Variants in RAB7A observed in about 807,000 individuals in gnomAD.
RAB7A encodes the protein RAB7A, member RAS oncogene family.
Under a neutral mutation model 24.5 loss-of-function variants are expected in RAB7A, and 2 were observed. The ratio of observed to expected loss-of-function variants is 0.08; its 90% confidence interval spans 0.03 to 0.26. RAB7A has a LOEUF of 0.26. RAB7A is among the 10% of genes least tolerant of loss of function. The probability of loss-of-function intolerance (pLI) is 1.00; values close to 1 mark genes in which losing one functional copy is unlikely to be tolerated. For synonymous variants in RAB7A, 100 were observed against 95.9 expected, an observed-to-expected ratio of 1.04 and a Z score of -0.25; for missense variants, 118 against 255.7, an observed-to-expected ratio of 0.46 and a Z score of 3.67.
intron 1 of RAB7A, among the ~76,000 whole-genome samples, chr3:128,758,328 A>G (rs1218226081): frequency 2.1e-5 from 3 of 146,330 alleles, no homozygotes; most frequent in Non-Finnish European, 4.5e-5. Context: ...GCTGGAGTGC[A>G]GTGGCGCTAT....
intron 3 of RAB7A, among the ~76,000 whole-genome samples, chr3:128,804,826 A>G (rs79611955): frequency 0.025 from 3,840 of 152,288 alleles, 78 homozygotes; most frequent in South Asian, 0.045. Flanking sequence ...AGTTGTTTAT[A>G]ATGATAGGAA....
intron 2 of RAB7A, 53 bp downstream of exon 2, chr3:128,795,473 T>A (rs1196979176): frequency 2.6e-6 from 4 of 1,511,760 alleles, no homozygotes; most frequent in Non-Finnish European, 3.7e-6. Flanking sequence ...TAAGCCTCTC[T>A]GCTGTGGAGC....
chr3:128,778,513 C>A (rs1024804937), intron 1 of RAB7A, among the ~76,000 whole-genome samples: 2 of 152,172 alleles, frequency 1.3e-5, no homozygotes, highest in East Asian at 3.8e-4. Context: ...TGAAGCCTAA[C>A]CAACTGTTGT....
At chr3:128,743,251 TC>T (rs1290245090) in intron 1 of RAB7A, among the ~76,000 whole-genome samples, 1 of 152,072 alleles carries the variant, frequency 6.6e-6, no homozygotes, top group Non-Finnish European at 1.5e-5. Flanking sequence ...CACCCGGAAC[TC>T]CCGCTGGTCC....
chr3:128,756,769 A>G (rs994788164), intron 1 of RAB7A, among the ~76,000 whole-genome samples: 1 of 152,148 alleles, frequency 6.6e-6, no homozygotes, highest in South Asian at 2.1e-4. Flanking sequence ...GCAAAGCTAC[A>G]CCAATGAAAA....
At chr3:128,787,581 A>G (rs1576295179) in intron 1 of RAB7A, among the ~76,000 whole-genome samples, 1 of 152,180 alleles carries the variant, frequency 6.6e-6, no homozygotes, top group African/African-American at 2.4e-5. Flanking sequence ...ACCTGGTTCA[A>G]TTTCATCTCC....
chr3:128,767,349 C>T (rs148406667), intron 1 of RAB7A, among the ~76,000 whole-genome samples: 42 of 152,244 alleles, frequency 2.8e-4, no homozygotes, highest in Admixed American at 7.2e-4. Flanking sequence ...GTGGGACCCT[C>T]GGAAGGGATA....
rs919774533 is a variant in RAB7A at position 128,742,757 on chromosome 3, C to T, written c.-9+16398C>T. Reference sequence around the variant, plus strand: ...TAGACATAAAGGTTCTCCAAGTCCCCACTAGATTAGCTAGACACAGAGTGC... The same window carrying T: ...TAGACATAAAGGTTCTCCAAGTCCCTACTAGATTAGCTAGACACAGAGTGC... On this transcript the variant is annotated intron_variant, in intron 1 of 5. Coordinates refer to ENST00000265062, the MANE Select transcript of RAB7A (RefSeq NM_004637.6). Among the ~76,000 whole-genome samples the T allele has an allele frequency of 7.2e-5, 11 of 152,116 alleles. No homozygotes were observed. The East Asian group carries it at 2.1e-3, about 29-fold the overall frequency.
At position 128,767,825 on chromosome 3, in the gene RAB7A, A is replaced by G. The variant is rs114619737; in HGVS notation, c.-8-27535A>G. Among the ~76,000 whole-genome samples the G allele has an allele frequency of 9.1e-4, 138 of 152,358 alleles. 1 individual carries two copies. Among genetic ancestry groups the G allele is most frequent in the African/African-American group, 3.1e-3 (131 of 41,590 alleles). ...GCTGCTGCTTCCATGTCATCCCCTCAGATAGATATCTGCAGCCTCCTGGCC... is the reference window on the plus strand; with the variant it reads ...GCTGCTGCTTCCATGTCATCCCCTCGGATAGATATCTGCAGCCTCCTGGCC... On this transcript the variant is annotated intron_variant, in intron 1 of 5. Transcript: ENST00000265062.
At chr3:128,737,680 C>T (rs1263501187) in intron 1 of RAB7A, among the ~76,000 whole-genome samples, 4 of 150,254 alleles carry the variant, frequency 2.7e-5, no homozygotes, top group African/African-American at 9.8e-5. Context: ...CAGGGTCTCA[C>T]TCTGTCACTC....
chr3:128,773,278 A>G (rs1277527450), intron 1 of RAB7A, among the ~76,000 whole-genome samples: 10 of 135,412 alleles, frequency 7.4e-5, no homozygotes, highest in South Asian at 2.4e-4. Context: ...CCCTCCACCC[A>G]GCAGCCGCCC....
At chr3:128,754,485 G>C (rs114861071) in intron 1 of RAB7A, among the ~76,000 whole-genome samples, 1 of 152,140 alleles carries the variant, frequency 6.6e-6, no homozygotes, top group South Asian at 2.1e-4. Flanking sequence ...CACAAAATAA[G>C]ATAATAATGC....
intron 1 of RAB7A, among the ~76,000 whole-genome samples, chr3:128,734,872 A>G (rs1472686340): frequency 2.6e-5 from 4 of 152,158 alleles, no homozygotes; most frequent in Non-Finnish European, 2.9e-5. Context: ...CTGTCTTCCA[A>G]CTCTAAGCCA....
chr3:128,743,198 G>A (rs921764130), intron 1 of RAB7A, among the ~76,000 whole-genome samples: 16 of 152,154 alleles, frequency 1.1e-4, no homozygotes, highest in Non-Finnish European at 1.8e-4. Flanking sequence ...GGCCGGTGGC[G>A]CCAGCCGGCC....
At chr3:128,791,685 C>CT (rs1370502420) in intron 1 of RAB7A, among the ~76,000 whole-genome samples, 1 of 152,128 alleles carries the variant, frequency 6.6e-6, no homozygotes, top group African/African-American at 2.4e-5. Context: ...GCCACCCAGG[C>CT]TTTTGTTTCA....
At chr3:128,808,716 G>A (rs565345356) in intron 5 of RAB7A, among the ~76,000 whole-genome samples, 33 of 152,332 alleles carry the variant, frequency 2.2e-4, no homozygotes, top group African/African-American at 7.7e-4. Context: ...CAGTGTCTGG[G>A]GGTGGTCAGA....
intron 1 of RAB7A, among the ~76,000 whole-genome samples, chr3:128,747,925 G>C (rs1269744774): frequency 1.3e-5 from 2 of 151,544 alleles, no homozygotes; most frequent in South Asian, 4.2e-4. Flanking sequence ...GTGCCACCAC[G>C]CCCAGCTAAT....
At chr3:128,801,675 T>C (rs1238249037) in intron 3 of RAB7A, among the ~76,000 whole-genome samples, 2 of 151,910 alleles carry the variant, frequency 1.3e-5, no homozygotes, top group Non-Finnish European at 2.9e-5. Context: ...GCAGGAAATA[T>C]GAAAGAAATA....
chr3:128,794,243 A>G (rs151142007), intron 1 of RAB7A, among the ~76,000 whole-genome samples: 89 of 152,232 alleles, frequency 5.8e-4, no homozygotes, highest in African/African-American at 2.1e-3. Flanking sequence ...ATACCTTAAG[A>G]TGGTAGCGGC....
Sources: gnomAD v4.1 joint callset for allele counts (sites outside exome capture counted in the v4.1 genomes callset) on GRCh38, gnomAD v4.1.1 for gene constraint, MANE v1.5 for transcripts, NCBI Gene and HGNC (gene_info 2026-07-23, HGNC 2026-07-21) for gene names.